MTMR1: variants seen among roughly 807,000 people sequenced by gnomAD.
MTMR1 encodes myotubularin related protein 1.
Under a neutral mutation model 51.6 loss-of-function variants are expected in MTMR1, and 17 were observed. The ratio of observed to expected loss-of-function variants is 0.33; its 90% confidence interval spans 0.23 to 0.49. The LOEUF is 0.49. Among genes scored for constraint, MTMR1 ranks in the 20% least tolerant of loss-of-function variants. The pLI is 0.99. For missense variants in MTMR1, 386 were observed against 526.9 expected (o/e 0.73, Z 2.62); for synonymous variants, 201 against 205.6 (o/e 0.98, Z 0.19).
At chrX:150,721,180 T>C (rs1353625182) in intron 4 of MTMR1, among the ~76,000 whole-genome samples, 5 of 112,079 alleles carry the variant, frequency 4.5e-5, no homozygotes, top group African/African-American at 1.6e-4. Context: ...ATTTTATAAA[T>C]TTTTGGATTT....
chrX:150,751,567 T>C (rs1557417601), intron 14 of MTMR1, among the ~76,000 whole-genome samples: 1 of 111,224 alleles, frequency 9.0e-6, no homozygotes, highest in Admixed American at 9.5e-5. Flanking sequence ...CCTGCCTCTT[T>C]CCTGCCTCCT....
intron 13 of MTMR1, 78 bp from the exon 14 acceptor site, chrX:150,750,652 G>A (rs1164582995): frequency 1.3e-5 from 8 of 622,712 alleles, no homozygotes; most frequent in Admixed American, 3.1e-5. Context: ...TTGTAGTTTC[G>A]CTGTCTTTCA....
intron 15 of MTMR1, among the ~76,000 whole-genome samples, chrX:150,762,060 G>C (rs1260798336): frequency 1.8e-5 from 2 of 112,578 alleles, no homozygotes; most frequent in African/African-American, 6.5e-5. Context: ...ATCCTGCTCC[G>C]GTTGATGAAA....
rs781912734 is a variant in MTMR1, at chrX:150,727,347, A to G, written c.447+38A>G. On this transcript the variant is annotated intron_variant, in intron 5 of 15. Coordinates refer to ENST00000445323, the MANE Select transcript of MTMR1 (RefSeq NM_001306144.3). ...AAGTGTGTTTTATTTTAAAAGAAAC[A>G]CTTTTAAAAGAACACTAAAAGAAGA... The G allele has an allele frequency of 1.5e-5, 16 of 1,076,308 alleles. No homozygotes were observed. In the Admixed American group the frequency reaches 3.0e-4, roughly 20 times the overall value. The allele number at this position is 1,076,308 out of a possible 1,213,427, so 88.7% of individuals were successfully genotyped here.
intron 10 of MTMR1, among the ~76,000 whole-genome samples, chrX:150,734,363 G>A (rs782418437): frequency 8.9e-6 from 1 of 112,868 alleles, no homozygotes; most frequent in Non-Finnish European, 1.9e-5. Context: ...TTCAAATAAG[G>A]TCACATTCAC....
intron 10 of MTMR1, chrX:150,735,362 C>T (rs1233087245): frequency 2.3e-6 from 1 of 433,296 alleles, no homozygotes; most frequent in African/African-American, 2.4e-5. Flanking sequence ...CCTTCATATA[C>T]TCTTGGATTG....
Position 150,718,611 on chromosome X carries a change from T to TGCCAGGC in MTMR1, c.277-14_277-13insGCCAGGC. 2 of 616,892 alleles carry TGCCAGGC rather than the reference T, an allele frequency of 3.2e-6. No individual in the cohort carries two copies. The highest frequency in any genetic ancestry group is 4.4e-6 in the Non-Finnish European group (2 of 454,914). The allele number at this position is 616,892 out of a possible 1,213,427, so 50.8% of individuals were successfully genotyped here. On this transcript the variant is annotated splice_polypyrimidine_tract_variant and intron_variant, in intron 3 of 15. Coordinates refer to ENST00000445323, the MANE Select transcript of MTMR1 (RefSeq NM_001306144.3). ...TTTTTTTTTTTTTTTTTTTTTTTTT[T>TGCCAGGC]TTTTTTTTGCCAGGCTCTAAGGGAT... is the stretch of plus-strand genomic sequence containing the variant.
At chrX:150,716,750 T>C (rs1569565660) in intron 3 of MTMR1, among the ~76,000 whole-genome samples, 1 of 112,686 alleles carries the variant, frequency 8.9e-6, no homozygotes, top group Middle Eastern at 4.6e-3. Context: ...AACTACTATG[T>C]GTAGTATTTC....
chrX:150,756,190 C>T (rs2042898330), intron 15 of MTMR1, among the ~76,000 whole-genome samples: 1 of 111,742 alleles, frequency 8.9e-6, no homozygotes, highest in Admixed American at 9.5e-5. Flanking sequence ...GTTGGGGTGG[C>T]AGCCCTTTTC....
At chrX:150,732,342 G>A in intron 9 of MTMR1, among the ~76,000 whole-genome samples, 200 bp from the exon 10 acceptor site, 1 of 111,492 alleles carries the variant, frequency 9.0e-6, no homozygotes, top group Middle Eastern at 4.6e-3. Context: ...TAGAGCTCAT[G>A]TAGTCAGAAT....
chrX:150,702,950 A>G (rs1261287394), intron 2 of MTMR1, among the ~76,000 whole-genome samples: 1 of 111,961 alleles, frequency 8.9e-6, no homozygotes, highest in African/African-American at 3.3e-5. Flanking sequence ...AATTAAGACT[A>G]TTACACAAAA....
At chrX:150,716,943 T>G (rs1362982350) in intron 3 of MTMR1, among the ~76,000 whole-genome samples, 1 of 112,257 alleles carries the variant, frequency 8.9e-6, no homozygotes, top group Non-Finnish European at 1.9e-5. Context: ...TGAACACTAG[T>G]GGCCTCCGAT....
At chrX:150,710,640 C>T (rs1338013686) in intron 2 of MTMR1, among the ~76,000 whole-genome samples, 2 of 112,426 alleles carry the variant, frequency 1.8e-5, no homozygotes, top group Non-Finnish European at 3.8e-5. Flanking sequence ...GGATTACAGG[C>T]GTGAGCCACT....
intron 4 of MTMR1, among the ~76,000 whole-genome samples, chrX:150,723,688 T>C (rs2041829802): frequency 8.9e-6 from 1 of 111,877 alleles, no homozygotes; most frequent in South Asian, 3.7e-4. Flanking sequence ...ATACTAGGCC[T>C]AGAACCTAGT....
At chrX:150,760,825 G>A (rs782381765) in intron 15 of MTMR1, among the ~76,000 whole-genome samples, 14 of 110,011 alleles carry the variant, frequency 1.3e-4, no homozygotes, top group African/African-American at 4.3e-4. Context: ...TGCTCAGGAG[G>A]CTGAGGCAGG....
At chrX:150,735,156 A>T (rs2042228440) in intron 10 of MTMR1, among the ~76,000 whole-genome samples, 1 of 111,860 alleles carries the variant, frequency 8.9e-6, no homozygotes, top group Non-Finnish European at 1.9e-5. Flanking sequence ...CATGGAACAG[A>T]TTCTTCCCTA....
chrX:150,702,461 G>A (rs1343296118), intron 2 of MTMR1, among the ~76,000 whole-genome samples: 2 of 111,613 alleles, frequency 1.8e-5, no homozygotes, highest in African/African-American at 6.5e-5. Context: ...ATATTACTAA[G>A]AATCTGAATA....
intron 14 of MTMR1, among the ~76,000 whole-genome samples, chrX:150,755,118 A>G (rs1557417710): frequency 9.0e-6 from 1 of 110,946 alleles, no homozygotes; most frequent in African/African-American, 3.3e-5. Flanking sequence ...ACAGCGGCAC[A>G]ATCATAGCTC....
chrX:150,747,246 CAA>C (rs2148657756), intron 13 of MTMR1, among the ~76,000 whole-genome samples: 1 of 109,904 alleles, frequency 9.1e-6, no homozygotes, highest in Non-Finnish European at 1.9e-5. Context: ...GCCAGGAATT[CAA>C]GACCAGCCTG....
Sources: allele counts gnomAD v4.1 joint callset (sites outside exome capture counted in the v4.1 genomes callset), GRCh38; gene constraint gnomAD v4.1.1; transcripts MANE v1.5; gene names NCBI Gene and HGNC (gene_info 2026-07-23, HGNC 2026-07-21).